PLCZ1: variants seen among roughly 807,000 people sequenced by gnomAD.
PLCZ1 encodes the protein 1-phosphatidylinositol 4,5-bisphosphate phosphodiesterase zeta-1.
A neutral mutation model predicts 76.8 loss-of-function variants in PLCZ1; 64 were observed. That is an observed-to-expected ratio of 0.83 (90% CI 0.68 to 1.03). The LOEUF is 1.03. Among genes scored for constraint, PLCZ1 ranks in the 50% least tolerant of loss-of-function variants. The pLI is 0.00. For synonymous variants in PLCZ1, 248 were observed against 230.8 expected (o/e 1.07, Z -0.68); for missense variants, 751 against 713.7 (o/e 1.05, Z -0.60).
chr12:18,669,280 C>T, the PLCZ1 span, among the ~76,000 whole-genome samples: 1 of 152,150 alleles, frequency 6.6e-6, no homozygotes, highest in Non-Finnish European at 1.5e-5. Flanking sequence ...TCCTCTTAAC[C>T]ACTGCACTAT....
Position 18,723,542 on chromosome 12 carries a change from C to T in PLCZ1, c.136G>A (p.Asp46Asn), listed in dbSNP as rs202206940. The change falls in exon 4 of 15, where the codon GAC becomes AAC. Residue 46 changes from aspartate (D) to asparagine (N), a missense_variant and splice_region_variant. Coordinates refer to ENST00000266505, the MANE Select transcript of PLCZ1 (RefSeq NM_033123.4). ...CTTCCTTGTTTCAGCCTGTCATTGTCCTACTAAAAAAATGACTGGTGGGCT... is the reference window on the plus strand; with the variant it reads ...CTTCCTTGTTTCAGCCTGTCATTGTTCTACTAAAAAAATGACTGGTGGGCT... Reference protein sequence around the residue: ...SYIHVKQIFKDNDRLKQGRIT... With the variant: ...SYIHVKQIFKNNDRLKQGRIT... 38 of 1,609,254 alleles carry T rather than the reference C, an allele frequency of 2.4e-5. No individual in the cohort carries two copies. The highest frequency in any genetic ancestry group is 3.3e-4 in the Middle Eastern group (2 of 6,024).
chr12:18,646,109 G>A, the PLCZ1 span, among the ~76,000 whole-genome samples: 1 of 152,084 alleles, frequency 6.6e-6, no homozygotes, highest in Non-Finnish European at 1.5e-5. Context: ...ACAGTGGTAG[G>A]GTTCTGAGAT....
intron 5 of PLCZ1, among the ~76,000 whole-genome samples, chr12:18,713,565 G>A (rs1195988768): frequency 1.3e-5 from 2 of 152,108 alleles, no homozygotes; most frequent in African/African-American, 4.8e-5. Flanking sequence ...AGGGCCTGGT[G>A]AATCAGCAAA....
At chr12:18,647,417 AC>A in the PLCZ1 span, among the ~76,000 whole-genome samples, 1 of 151,858 alleles carries the variant, frequency 6.6e-6, no homozygotes, top group Non-Finnish European at 1.5e-5. Flanking sequence ...TACCTCTGGT[AC>A]AAACCTGCAC....
intron 3 of PLCZ1, among the ~76,000 whole-genome samples, chr12:18,726,327 T>C (rs183098063): frequency 2.0e-5 from 3 of 152,316 alleles, no homozygotes; most frequent in Admixed American, 6.5e-5. Flanking sequence ...TTGTCTCCTG[T>C]TTAAAAAACG....
At chr12:18,666,475 A>G in the PLCZ1 span, among the ~76,000 whole-genome samples, 1 of 152,124 alleles carries the variant, frequency 6.6e-6, no homozygotes, top group Admixed American at 6.5e-5. Flanking sequence ...GTTGCACGAG[A>G]CAAAGAAGGA....
chr12:18,694,488 T>A (rs988774802), intron 12 of PLCZ1, among the ~76,000 whole-genome samples: 11 of 152,116 alleles, frequency 7.2e-5, no homozygotes. Context: ...AATCCTGACC[T>A]ACAAAAGCCT....
the PLCZ1 span, among the ~76,000 whole-genome samples, chr12:18,649,648 G>T: frequency 6.6e-6 from 1 of 152,060 alleles, no homozygotes; most frequent in East Asian, 1.9e-4. Flanking sequence ...TTACAAGCAG[G>T]TATTTGCTCC....
At chr12:18,701,643 TC>T (rs367645787) in intron 8 of PLCZ1, 48 bp downstream of exon 8, 1 of 1,357,182 alleles carries the variant, frequency 7.4e-7, no homozygotes, top group East Asian at 2.5e-5. Context: ...CTCCTCCTCC[TC>T]CTCCTCCTCT....
the PLCZ1 span, among the ~76,000 whole-genome samples, chr12:18,671,658 T>A: frequency 3.3e-5 from 5 of 152,166 alleles, no homozygotes; most frequent in East Asian, 1.9e-4. Context: ...TAAAAAAAAA[T>A]TTCATTATTG....
intron 7 of PLCZ1, among the ~76,000 whole-genome samples, chr12:18,702,984 T>C (rs1459529923): frequency 2.0e-5 from 3 of 151,922 alleles, no homozygotes; most frequent in Non-Finnish European, 4.4e-5. Flanking sequence ...ATTCTTTATT[T>C]ACTCATTGAA....
chr12:18,695,571 C>A (rs1006708259), intron 11 of PLCZ1, among the ~76,000 whole-genome samples: 1 of 151,880 alleles, frequency 6.6e-6, no homozygotes, highest in Admixed American at 6.6e-5. Context: ...GTAGAGAGTA[C>A]CACACTCCAC....
intron 7 of PLCZ1, among the ~76,000 whole-genome samples, chr12:18,703,976 A>G (rs1274131643): frequency 2.0e-5 from 3 of 152,234 alleles, no homozygotes; most frequent in Non-Finnish European, 4.4e-5. Flanking sequence ...AGACAATACT[A>G]TTCATCAAAA....
chr12:18,646,363 A>C, the PLCZ1 span, among the ~76,000 whole-genome samples: 7 of 152,174 alleles, frequency 4.6e-5, no homozygotes, highest in African/African-American at 1.7e-4. Flanking sequence ...AAAATTCTGG[A>C]AGAAGAGGTA....
intron 10 of PLCZ1, among the ~76,000 whole-genome samples, chr12:18,697,671 C>G (rs966699636): frequency 2.6e-5 from 4 of 152,130 alleles, no homozygotes; most frequent in Non-Finnish European, 2.9e-5. Context: ...TCACATATAT[C>G]TTCCCATTCT....
At chr12:18,716,837 C>G (rs1958044078) in intron 5 of PLCZ1, among the ~76,000 whole-genome samples, 1 of 152,074 alleles carries the variant, frequency 6.6e-6, no homozygotes, top group Admixed American at 6.5e-5. Context: ...TGAATTTTAA[C>G]TGGTAATAAA....
At chr12:18,728,707 T>TA in intron 3 of PLCZ1, among the ~76,000 whole-genome samples, 1 of 152,204 alleles carries the variant, frequency 6.6e-6, no homozygotes, top group East Asian at 1.9e-4. Flanking sequence ...ATTTATGACC[T>TA]AAAAAGATTT....
At position 18,712,825 on chromosome 12, in the gene PLCZ1, C is replaced by A; in HGVS notation, c.714+17G>T. ...TTCTGTTTAAATAGCTACAGTTGAA[C>A]AAAGATATGTACATACCATGAATGC... On this transcript the variant is annotated intron_variant, in intron 6 of 14. Transcript: ENST00000266505. The A allele has an allele frequency of 1.2e-6, 2 of 1,612,250 alleles. No homozygotes were observed. Among genetic ancestry groups the A allele is most frequent in the South Asian group, 1.1e-5 (1 of 91,048 alleles).
At chr12:18,704,358 T>C (rs906720874) in intron 7 of PLCZ1, among the ~76,000 whole-genome samples, 3 of 151,976 alleles carry the variant, frequency 2.0e-5, no homozygotes, top group Non-Finnish European at 4.4e-5. Context: ...GGAGTTTTGT[T>C]CTTTTTGCCC....
Sources: gnomAD v4.1 joint callset for allele counts (sites outside exome capture counted in the v4.1 genomes callset) on GRCh38, gnomAD v4.1.1 for gene constraint, MANE v1.5 for transcripts, NCBI Gene and HGNC (gene_info 2026-07-23, HGNC 2026-07-21) for gene names.